The following MRPL49 variants were observed in gnomAD, a reference collection of about 807,000 sequenced individuals.
MRPL49 encodes the protein mitochondrial ribosomal protein L49, also known as large ribosomal subunit protein mL49.
Under a neutral mutation model 18.4 loss-of-function variants are expected in MRPL49, and 14 were observed. That is an observed-to-expected ratio of 0.76 (90% CI 0.50 to 1.19). The LOEUF (loss-of-function observed/expected upper bound fraction) is 1.19. Ranked by LOEUF, MRPL49 falls within the 50% of genes most tolerant of loss-of-function variation. The pLI is 0.00. For synonymous variants in MRPL49, 104 were observed against 86.2 expected (o/e 1.21, Z -1.14); for missense variants, 190 against 217.8 (o/e 0.87, Z 0.80).
chr11:65,122,440 G>A lies in MRPL49; in HGVS notation c.78+16G>A. ...ACGGCTGTTGGTGAGAGCGCTGAGCGAGGAGCTGAGGGCATCGCGTGGGTG... is the reference window on the plus strand; with the variant it reads ...ACGGCTGTTGGTGAGAGCGCTGAGCAAGGAGCTGAGGGCATCGCGTGGGTG... On this transcript the variant is annotated intron_variant, in intron 1 of 3. Transcript: ENST00000279242. 4 of 1,606,430 alleles carry A rather than the reference G, an allele frequency of 2.5e-6. No individual in the cohort carries two copies. In the South Asian group the frequency reaches 4.4e-5, roughly 18 times the overall value.
intron 1 of MRPL49, 159 bp downstream of exon 1, chr11:65,122,583 G>A: frequency 3.0e-6 from 2 of 659,838 alleles, no homozygotes; most frequent in Non-Finnish European, 2.6e-6. Context: ...GAATCGAGAG[G>A]GAAAATGGTA....
Position 65,123,131 on chromosome 11 carries a change from C to T in MRPL49, c.78+707C>T, listed in dbSNP as rs371236178. Among the ~76,000 whole-genome samples the T allele has an allele frequency of 3.9e-5, 6 of 152,300 alleles. No homozygotes were observed. In the East Asian group the frequency reaches 1.2e-3, roughly 29 times the overall value. On this transcript the variant is annotated intron_variant, in intron 1 of 3. Transcript: ENST00000279242. ...AATCATGGAGGTACAAACAAGGCCACGCTGCCAATATAATAATATCTATTT... is the reference window on the plus strand; with the variant it reads ...AATCATGGAGGTACAAACAAGGCCATGCTGCCAATATAATAATATCTATTT...
At chr11:65,124,247 C>G (rs1280010630) in intron 1 of MRPL49, among the ~76,000 whole-genome samples, 1 of 152,176 alleles carries the variant, frequency 6.6e-6, no homozygotes, top group East Asian at 1.9e-4. Context: ...TTTTTGCAGT[C>G]TTTTGTGGTA....
In MRPL49 at chr11:65,125,580, A is replaced by G; in HGVS notation, c.322A>G (p.Thr108Ala). Residue 108 changes from threonine to alanine, a missense_variant, in exon 3 of 4, where the codon ACT becomes GCT. By Grantham distance (58) the Thr-to-Ala change is moderately conservative (BLOSUM62 0). Coordinates refer to ENST00000279242, the MANE Select transcript of MRPL49 (RefSeq NM_004927.4). ...CATCACGCATGGCAACCGGCAGATG[A>G]CTGTGATCCGGAAAGTGGAAGGGGA... ...KDITHGNRQMTVIRKVEGDIW... is the reference protein window; with the variant it reads ...KDITHGNRQMAVIRKVEGDIW... 6.2e-7 allele frequency: 1 copy of G among 1,613,848 alleles called. No individual in the cohort carries two copies. The highest frequency in any genetic ancestry group is 8.5e-7 in the Non-Finnish European group (1 of 1,179,934).
chr11:65,122,478 T>C (rs1450348977), intron 1 of MRPL49, 54 bp downstream of exon 1: 1 of 1,527,624 alleles, frequency 6.5e-7, no homozygotes. Flanking sequence ...AGGCTCAGTG[T>C]TAATCATTGT....
upstream of MRPL49, chr11:65,122,255 C>A: frequency 2.1e-6 from 3 of 1,418,322 alleles, no homozygotes; most frequent in South Asian, 1.2e-5. Flanking sequence ...CCTTTACGCT[C>A]GCACCGGCGA....
chr11:65,122,256 G>T (rs769438), upstream of MRPL49: 5,128 of 1,431,780 alleles, frequency 3.6e-3, 158 homozygotes, highest in African/African-American at 0.063. Context: ...CTTTACGCTC[G>T]CACCGGCGAA....
intron 2 of MRPL49, 175 bp from the exon 3 acceptor site, chr11:65,125,313 A>T (rs942976639): frequency 7.5e-5 from 53 of 709,880 alleles, no homozygotes; most frequent in Admixed American, 2.1e-4. Context: ...ACCAGGGTGA[A>T]CAATTTGGTC....
At position 65,126,448 on chromosome 11, in the gene MRPL49, T is replaced by G. The variant is rs147106311; in HGVS notation, c.*576T>G. On this transcript the variant is annotated 3_prime_UTR_variant, in exon 4 of 4. Coordinates refer to ENST00000279242, the MANE Select transcript of MRPL49 (RefSeq NM_004927.4). ...TGTGCCTGGTCCACCTTGGCCTGTT[T>G]TGTTTTTCTTTCCTTGGGCTCAGCA... 2 of 154,062 alleles carry G rather than the reference T, an allele frequency of 1.3e-5. No individual in the cohort carries two copies. Among genetic ancestry groups the G allele is most frequent in the East Asian group, 3.8e-4 (2 of 5,208 alleles). 9.5% of individuals were successfully genotyped at this position (154,062 alleles called of 1,614,324 possible). A position where few individuals can be genotyped will look rare whatever the true frequency, so the allele number is the denominator to read the frequency against.
intron 1 of MRPL49, 125 bp from the exon 2 acceptor site, chr11:65,124,377 C>G (rs954390128): frequency 2.1e-6 from 2 of 973,612 alleles, no homozygotes; most frequent in Non-Finnish European, 3.1e-6. Flanking sequence ...GCTTTCACAC[C>G]GTCGCCCAGC....
chr11:65,122,183 A>G, upstream of MRPL49: 1 of 664,828 alleles, frequency 1.5e-6, no homozygotes, highest in South Asian at 1.8e-5. Context: ...GTGTCACGTC[A>G]CTGCTGAGCG....
At position 65,125,488 on chromosome 11, in the gene MRPL49, AC is replaced by A. The variant is rs34698467; in HGVS notation, c.236del (p.Pro79HisfsTer29). 9.9e-6 allele frequency: 16 copies of A among 1,611,756 alleles called. No homozygotes were observed. Among genetic ancestry groups the A allele is most frequent in the Admixed American group, 1.7e-5 (1 of 59,684 alleles). On this transcript the variant is annotated frameshift_variant and splice_region_variant, in exon 3 of 4. Coordinates refer to ENST00000279242, the MANE Select transcript of MRPL49 (RefSeq NM_004927.4). LOFTEE classifies it high-confidence loss of function. ...PTPSGWQPPRDPPPNLPYFVR... is the reference protein window; with the variant it reads ...PTPSGWQPPRXPPPNLPYFVR... ...TTAACAGTGTCTTTCCCTGTTGCAG[AC>A]CCCCCACCCAACCTGCCTTACTTTG... is the stretch of plus-strand genomic sequence containing the variant.
chr11:65,126,142 T>G lies in MRPL49; in HGVS notation c.*270T>G. 3.0e-6 allele frequency: 1 copy of G among 338,498 alleles called. No individual in the cohort carries two copies. The highest frequency in any genetic ancestry group is 5.4e-6 in the Non-Finnish European group (1 of 186,146). The allele number at this position is 338,498 out of a possible 1,614,324, so 21.0% of individuals were successfully genotyped here. A position where few individuals can be genotyped will look rare whatever the true frequency, so the allele number is the denominator to read the frequency against. ...TCTCCCTCCTATCTTGGCCTGTTCT[T>G]TTTTGTTTTTTGAGACGGAGTCTCA... On this transcript the variant is annotated 3_prime_UTR_variant, in exon 4 of 4. Coordinates refer to ENST00000279242, the MANE Select transcript of MRPL49 (RefSeq NM_004927.4).
intron 1 of MRPL49, among the ~76,000 whole-genome samples, chr11:65,123,855 A>T (rs1948076249): frequency 6.6e-6 from 1 of 152,220 alleles, no homozygotes; most frequent in Non-Finnish European, 1.5e-5. Flanking sequence ...TTGGACAGGC[A>T]GTTGTTGGAC....
chr11:65,126,715 C>T lies in MRPL49; in HGVS notation c.*843C>T. 2.3e-6 allele frequency: 1 copy of T among 426,908 alleles called. No individual in the cohort carries two copies. The highest frequency in any genetic ancestry group is 4.2e-6 in the Non-Finnish European group (1 of 237,898). 26.4% of individuals were successfully genotyped at this position (426,908 alleles called of 1,614,324 possible). The stretch of plus-strand genomic sequence containing the variant: ...AAAGTACAGTGCTGGCACTGGGGCA[C>T]AGAGTGCCCACGTTAGCCCCGGGCT... On this transcript the variant is annotated 3_prime_UTR_variant, in exon 4 of 4. Transcript: ENST00000279242.
rs1056559412 is a variant in MRPL49 at position 65,126,959 on chromosome 11, A to C, written c.*1087A>C. 8 of 673,764 alleles carry C rather than the reference A, an allele frequency of 1.2e-5. No individual in the cohort carries two copies. Among genetic ancestry groups the C allele is most frequent in the Admixed American group, 4.4e-5 (2 of 45,568 alleles). The allele number at this position is 673,764 out of a possible 1,614,324, so 41.7% of individuals were successfully genotyped here. On this transcript the variant is annotated 3_prime_UTR_variant, in exon 4 of 4. Coordinates refer to ENST00000279242, the MANE Select transcript of MRPL49 (RefSeq NM_004927.4). ...TCCCAACCCCAGCTCACTAGCCTTCATATATGCCTTATACTTGGAGTCACA... is the reference window on the plus strand; with the variant it reads ...TCCCAACCCCAGCTCACTAGCCTTCCTATATGCCTTATACTTGGAGTCACA...
At chr11:65,122,566 A>C in intron 1 of MRPL49, 142 bp downstream of exon 1, 1 of 732,164 alleles carries the variant, frequency 1.4e-6, no homozygotes, top group Non-Finnish European at 2.2e-6. Flanking sequence ...TCCCGAGTGT[A>C]CATATAGAAT....
At chr11:65,125,125 T>C (rs1263049766) in intron 2 of MRPL49, 2 of 341,514 alleles carry the variant, frequency 5.9e-6, no homozygotes, top group African/African-American at 2.2e-5. Context: ...TGGTAGGTGC[T>C]CAGTGCTTGC....
At chr11:65,125,169 C>T (rs528628468) in intron 2 of MRPL49, 96 of 391,052 alleles carry the variant, frequency 2.5e-4, no homozygotes, top group Non-Finnish European at 3.8e-4. Context: ...AGATTGATTT[C>T]GGCCTCCCTG....
Sources: allele counts gnomAD v4.1 joint callset (sites outside exome capture counted in the v4.1 genomes callset), GRCh38; gene constraint gnomAD v4.1.1; transcripts MANE v1.5; gene names NCBI Gene and HGNC (gene_info 2026-07-23, HGNC 2026-07-21).